Variants in NRIP1 observed in about 807,000 individuals in gnomAD.
NRIP1 encodes nuclear receptor-interacting protein 1.
In NRIP1, 28 loss-of-function variants were observed where a neutral mutation model predicts 75.0. The ratio of observed to expected loss-of-function variants is 0.37; its 90% confidence interval spans 0.28 to 0.51. The LOEUF (loss-of-function observed/expected upper bound fraction) is 0.51. NRIP1 is among the 20% of genes least tolerant of loss of function. NRIP1 has a pLI of 0.92. For synonymous variants in NRIP1, 526 were observed against 487.6 expected, an observed-to-expected ratio of 1.08 and a Z score of -1.04; for missense variants, 1,435 against 1,343.7, an observed-to-expected ratio of 1.07 and a Z score of -1.06.
In NRIP1 at chr21:15,039,662, T is replaced by C. The variant is rs2088911270; in HGVS notation, c.-458+3833A>G. On this transcript the variant is annotated intron_variant, in intron 2 of 3. Coordinates refer to ENST00000318948, the MANE Select transcript of NRIP1 (RefSeq NM_003489.4). ...GTAAACTTCCCTATTTTATTAAATATGGTGGAGTTACAGCATACAGCAATT... is the reference window on the plus strand; with the variant it reads ...GTAAACTTCCCTATTTTATTAAATACGGTGGAGTTACAGCATACAGCAATT... Among the ~76,000 whole-genome samples, 4 of 152,194 alleles carry C rather than the reference T, an allele frequency of 2.6e-5. No homozygotes were observed. The South Asian group carries it at 8.3e-4, about 32-fold the overall frequency.
intron 1 of NRIP1, among the ~76,000 whole-genome samples, chr21:15,043,978 C>T (rs2089015567): frequency 6.6e-6 from 1 of 152,056 alleles, no homozygotes; most frequent in South Asian, 2.1e-4. Flanking sequence ...AGCACCACGC[C>T]CGGCTAGTTT....
chr21:15,051,288 G>A (rs556655491), intron 1 of NRIP1: 20 of 164,298 alleles, frequency 1.2e-4, no homozygotes, highest in African/African-American at 2.4e-4. Flanking sequence ...GTGTGTGCGC[G>A]TGTGTGTGTC....
chr21:15,021,496 C>T (rs534223612), intron 2 of NRIP1, among the ~76,000 whole-genome samples: 12 of 152,178 alleles, frequency 7.9e-5, no homozygotes, highest in African/African-American at 2.9e-4. Flanking sequence ...GCTGCAACAT[C>T]TGAGTGCATT....
At chr21:14,994,005 A>G (rs1488734331) in intron 3 of NRIP1, among the ~76,000 whole-genome samples, 1 of 152,060 alleles carries the variant, frequency 6.6e-6, no homozygotes, top group Non-Finnish European at 1.5e-5. Context: ...GTATTTATAT[A>G]TTTTACTATG....
intron 1 of NRIP1, among the ~76,000 whole-genome samples, chr21:15,044,558 G>A (rs1030312765): frequency 6.6e-5 from 10 of 152,034 alleles, no homozygotes; most frequent in East Asian, 3.9e-4. Context: ...TATCAGCCAC[G>A]CCACTTAGAT....
chr21:14,996,710 C>T (rs2087737497), intron 3 of NRIP1, among the ~76,000 whole-genome samples: 1 of 152,114 alleles, frequency 6.6e-6, no homozygotes, highest in South Asian at 2.1e-4. Flanking sequence ...ACCATGGGCA[C>T]ATCTGAGATA....
At chr21:14,997,244 T>C (rs1433672053) in intron 3 of NRIP1, among the ~76,000 whole-genome samples, 1 of 152,178 alleles carries the variant, frequency 6.6e-6, no homozygotes, top group East Asian at 1.9e-4. Flanking sequence ...AAACTAAATT[T>C]TACCTTTTCT....
intron 1 of NRIP1, among the ~76,000 whole-genome samples, chr21:15,062,774 T>C (rs566952456): frequency 3.3e-5 from 5 of 152,352 alleles, no homozygotes; most frequent in African/African-American, 1.2e-4. Flanking sequence ...GTATAGGTTA[T>C]TTTTTATCAT....
intron 1 of NRIP1, among the ~76,000 whole-genome samples, chr21:15,045,012 A>T (rs187390367): frequency 2.0e-5 from 3 of 152,334 alleles, no homozygotes; most frequent in Admixed American, 2.0e-4. Flanking sequence ...ATATGGACCA[A>T]CTACAATGAA....
chr21:14,967,546 G>A lies in NRIP1; in HGVS notation c.647C>T (p.Ala216Val). 1.9e-6 allele frequency: 3 copies of A among 1,614,112 alleles called. No homozygotes were observed. The South Asian group carries it at 3.3e-5, about 18-fold the overall frequency. Residue 216 changes from alanine to valine, a missense_variant, in exon 4 of 4, where the codon GCA becomes GTA. By Grantham distance (64) the Ala-to-Val change is moderately conservative (BLOSUM62 0). Coordinates refer to ENST00000318948, the MANE Select transcript of NRIP1 (RefSeq NM_003489.4). ...TTGTCCAACATGATGAGGAGACTCT[G>A]CAAACCTATCTCTGATGAGGTTTTT... ...VTKNLIRDRF[A>V]ESPHHVGQSG...
At position 14,966,770 on chromosome 21, in the gene NRIP1, C is replaced by G. The variant is rs1281783541; in HGVS notation, c.1423G>C (p.Val475Leu). The change falls in exon 4 of 4, where the codon GTC becomes CTC. Residue 475 changes from valine to leucine, a missense_variant. By Grantham distance (32) the Val-to-Leu change is conservative. Transcript: ENST00000318948. ...TCTTCTTTGATATCTACATCTGGGA[C>G]TTTTGGATCCCAAGTGTTTAGCAAG... ...QSLLNTWDPK[V>L]PDVDIKEDQD... is the part of the protein sequence containing the mutation. The G allele has an allele frequency of 1.2e-6, 2 of 1,614,050 alleles. No homozygotes were observed. Among genetic ancestry groups the G allele is most frequent in the Non-Finnish European group, 1.7e-6 (2 of 1,180,008 alleles).
In NRIP1 at chr21:14,968,078, T is replaced by G; in HGVS notation, c.115A>C (p.Lys39Gln). Residue 39 changes from lysine to glutamine, a missense_variant, in exon 4 of 4, where the codon AAA becomes CAA. By Grantham distance (53) the Lys-to-Gln change is moderately conservative. Transcript: ENST00000318948. ...AAGGSGTAVD[K>Q]KSAGHNEEDQ... is the part of the protein sequence containing the mutation. ...TCTTCATTATGCCCAGCAGACTTTTTGTCAACGGCAGTACCTGATCCCCCT... is the reference window on the plus strand; with the variant it reads ...TCTTCATTATGCCCAGCAGACTTTTGGTCAACGGCAGTACCTGATCCCCCT... 1 of 1,614,120 alleles carries G rather than the reference T, an allele frequency of 6.2e-7. No homozygotes were observed. The highest frequency in any genetic ancestry group is 8.5e-7 in the Non-Finnish European group (1 of 1,180,010).
At chr21:15,046,029 A>G (rs988706285) in intron 1 of NRIP1, among the ~76,000 whole-genome samples, 2 of 132,536 alleles carry the variant, frequency 1.5e-5, no homozygotes, top group Non-Finnish European at 3.2e-5. Flanking sequence ...TCAACCCGCC[A>G]AAGTTATCCA....
At chr21:15,024,098 T>C (rs1237638273) in intron 2 of NRIP1, among the ~76,000 whole-genome samples, 1 of 152,242 alleles carries the variant, frequency 6.6e-6, no homozygotes, top group Non-Finnish European at 1.5e-5. Flanking sequence ...CTTTATGATC[T>C]CATAGTAGGA....
Position 14,965,387 on chromosome 21 carries a change from G to A in NRIP1, c.2806C>T (p.Leu936=), listed in dbSNP as rs1249102893. The A allele has an allele frequency of 6.2e-7, 1 of 1,614,028 alleles. No homozygotes were observed. The highest frequency in any genetic ancestry group is 1.1e-5 in the South Asian group (1 of 91,076). ...WARESKSFNV[L]KQLLLSENCV... Reference sequence around the variant, plus strand: ...TTTTCTGAGAGAAGCAGCTGTTTCAGAACATTAAAGCTTTTGCTCTCTCTG... The same window carrying A: ...TTTTCTGAGAGAAGCAGCTGTTTCAAAACATTAAAGCTTTTGCTCTCTCTG... The change falls in exon 4 of 4, where the codon CTG becomes TTG. Residue 936 remains leucine (L), a synonymous_variant. Transcript: ENST00000318948.
At chr21:15,061,985 A>G (rs1178118700) in intron 1 of NRIP1, among the ~76,000 whole-genome samples, 5 of 152,230 alleles carry the variant, frequency 3.3e-5, no homozygotes. Flanking sequence ...CTCTGCTTTC[A>G]GATATGCGTT....
chr21:14,995,463 T>C (rs896981405), intron 3 of NRIP1, among the ~76,000 whole-genome samples: 36 of 152,202 alleles, frequency 2.4e-4, no homozygotes, highest in Non-Finnish European at 2.9e-5. Context: ...ATCAGTTACT[T>C]GAACCACAAA....
intron 3 of NRIP1, among the ~76,000 whole-genome samples, chr21:15,006,274 GCATT>G (rs2087970737): frequency 6.6e-6 from 1 of 152,146 alleles, no homozygotes; most frequent in Admixed American, 6.5e-5. Context: ...TGATGTTTTA[GCATT>G]ACCAGTGCAT....
chr21:15,053,454 A>G (rs1413009533), intron 1 of NRIP1, among the ~76,000 whole-genome samples: 1 of 152,208 alleles, frequency 6.6e-6, no homozygotes, highest in Non-Finnish European at 1.5e-5. Context: ...AATTTTGATC[A>G]GATGTCATGC....
Sources: allele counts gnomAD v4.1 joint callset (sites outside exome capture counted in the v4.1 genomes callset), GRCh38; gene constraint gnomAD v4.1.1; transcripts MANE v1.5; gene names NCBI Gene and HGNC (gene_info 2026-07-23, HGNC 2026-07-21).